RREB1: variants seen among roughly 807,000 people sequenced by gnomAD.
RREB1 encodes the protein ras-responsive element-binding protein 1.
RREB1 carries 27 observed loss-of-function variants against 117.8 expected under a neutral mutation model. That is an observed-to-expected ratio of 0.23 (90% CI 0.17 to 0.32). The LOEUF (loss-of-function observed/expected upper bound fraction) is 0.32, where lower values mean the gene tolerates loss of function less well. Among genes scored for constraint, RREB1 ranks in the 10% least tolerant of loss-of-function variants. RREB1 has a pLI of 1.00. For synonymous variants in RREB1, 1,298 were observed against 1,026.7 expected (o/e 1.26, Z -5.05); for missense variants, 2,577 against 2,378.2 (o/e 1.08, Z -1.74).
At chr6:7,123,461 C>A (rs1188832909) in intron 1 of RREB1, among the ~76,000 whole-genome samples, 2 of 147,976 alleles carry the variant, frequency 1.4e-5, no homozygotes, top group Non-Finnish European at 3.0e-5. Flanking sequence ...CACGCCTGGC[C>A]GAAAGTTGAA....
intron 1 of RREB1, among the ~76,000 whole-genome samples, chr6:7,172,047 G>T (rs1764238629): frequency 6.6e-6 from 1 of 151,586 alleles, no homozygotes; most frequent in Non-Finnish European, 1.5e-5. Flanking sequence ...CTGGGCTCAT[G>T]CAATCCTCCT....
At chr6:7,158,894 G>C (rs56405242) in intron 1 of RREB1, among the ~76,000 whole-genome samples, 2,110 of 151,732 alleles carry the variant, frequency 0.014, 44 homozygotes, top group African/African-American at 0.048. Flanking sequence ...ATAGCTTAAA[G>C]GCCAGGAAAA....
chr6:7,235,637 A>C (rs1434692084), intron 10 of RREB1, among the ~76,000 whole-genome samples: 2 of 152,228 alleles, frequency 1.3e-5, no homozygotes, highest in African/African-American at 4.8e-5. Context: ...GTTAAAATCT[A>C]GCTGAGTTCC....
chr6:7,239,265 C>T (rs1269748008), intron 10 of RREB1, among the ~76,000 whole-genome samples: 1 of 152,228 alleles, frequency 6.6e-6, no homozygotes, highest in Admixed American at 6.5e-5. Context: ...TGTTGGTTAA[C>T]ACACAAAACC....
At chr6:7,149,762 A>C (rs1047079714) in intron 1 of RREB1, among the ~76,000 whole-genome samples, 1 of 152,198 alleles carries the variant, frequency 6.6e-6, no homozygotes, top group Non-Finnish European at 1.5e-5. Flanking sequence ...ATCTCGGCTC[A>C]CTGCAACCTG....
chr6:7,146,371 C>CA (rs1287076109), intron 1 of RREB1, among the ~76,000 whole-genome samples: 4 of 151,720 alleles, frequency 2.6e-5, no homozygotes, highest in Non-Finnish European at 5.9e-5. Context: ...AGGGGGAAAG[C>CA]AGGAGATGGG....
At chr6:7,197,339 T>C (rs1009567186) in intron 6 of RREB1, among the ~76,000 whole-genome samples, 1 of 152,262 alleles carries the variant, frequency 6.6e-6, no homozygotes, top group Non-Finnish European at 1.5e-5. Flanking sequence ...CTTAAGACCC[T>C]GGCAGGGGCA....
At chr6:7,239,960 C>A (rs1004258215) in intron 10 of RREB1, among the ~76,000 whole-genome samples, 1 of 152,206 alleles carries the variant, frequency 6.6e-6, no homozygotes, top group Non-Finnish European at 1.5e-5. Context: ...GGGGGCTGTC[C>A]CTGACTTCTT....
chr6:7,172,569 C>A (rs1764267887), intron 1 of RREB1, among the ~76,000 whole-genome samples: 1 of 152,116 alleles, frequency 6.6e-6, no homozygotes, highest in African/African-American at 2.4e-5. Context: ...CTTAGGAGTC[C>A]CTTCTCACCC....
chr6:7,225,688 G>A (rs2113086536), intron 8 of RREB1, among the ~76,000 whole-genome samples: 1 of 152,314 alleles, frequency 6.6e-6, no homozygotes, highest in African/African-American at 2.4e-5. Context: ...AGGAAGGGGA[G>A]ACAGCCTTGT....
At chr6:7,183,108 G>A (rs1485766006) in intron 4 of RREB1, 1 of 152,232 alleles carries the variant, frequency 6.6e-6, no homozygotes, top group African/African-American at 2.4e-5. Context: ...CCTGCCAGCA[G>A]TATGGGGGAG....
At chr6:7,186,814 T>A (rs1765105831) in intron 4 of RREB1, among the ~76,000 whole-genome samples, 2 of 152,220 alleles carry the variant, frequency 1.3e-5, no homozygotes, top group Admixed American at 1.3e-4. Flanking sequence ...GGCATTCCTA[T>A]CAAAGTTGTC....
At chr6:7,167,103 G>A (rs1763972074) in intron 1 of RREB1, among the ~76,000 whole-genome samples, 2 of 152,180 alleles carry the variant, frequency 1.3e-5, no homozygotes, top group Admixed American at 1.3e-4. Context: ...AAGCAGCTTG[G>A]TGAATATAGG....
Position 7,249,545 on chromosome 6 carries a change from G to C in RREB1, c.*577G>C, listed in dbSNP as rs554831260. ...TGCTTCATGGTGGAGCTGTCATCTGGTCCTTGGTATTACAGGATGTGGTTG... is the reference window on the plus strand; with the variant it reads ...TGCTTCATGGTGGAGCTGTCATCTGCTCCTTGGTATTACAGGATGTGGTTG... On this transcript the variant is annotated 3_prime_UTR_variant, in exon 13 of 13. Coordinates refer to ENST00000379938, the MANE Select transcript of RREB1 (RefSeq NM_001003699.4). 2.0e-5 allele frequency: 3 copies of C among 152,652 alleles called. No individual in the cohort carries two copies. The South Asian group carries it at 6.2e-4, about 32-fold the overall frequency. 9.5% of individuals were successfully genotyped at this position (152,652 alleles called of 1,614,324 possible). A position where few individuals can be genotyped will look rare whatever the true frequency, so the allele number is the denominator to read the frequency against.
Position 7,231,627 on chromosome 6 carries a change from G to A in RREB1, c.3528G>A (p.Gly1176=). The change falls in exon 10 of 13, where the codon GGG becomes GGA. Residue 1176 remains glycine (G), a synonymous_variant. Coordinates refer to ENST00000379938, the MANE Select transcript of RREB1 (RefSeq NM_001003699.4). ...NSGGVDLDSS[G]EFASIEKMLA... is the part of the protein sequence containing the mutation. ...GCGGGGTGGACCTGGACTCCAGCGG[G>A]GAGTTTGCCAGCATCGAGAAGATGC... 1 of 1,611,754 alleles carries A rather than the reference G, an allele frequency of 6.2e-7. No individual in the cohort carries two copies. The highest frequency in any genetic ancestry group is 8.5e-7 in the Non-Finnish European group (1 of 1,179,410).
chr6:7,226,737 C>T (rs2113091940), intron 9 of RREB1, 81 bp downstream of exon 9: 1 of 1,090,350 alleles, frequency 9.2e-7, no homozygotes, highest in Non-Finnish European at 1.3e-6. Flanking sequence ...TTCCTCTCCT[C>T]AGGGTTTCTT....
intron 1 of RREB1, among the ~76,000 whole-genome samples, chr6:7,143,075 TG>T (rs1327367360): frequency 6.6e-6 from 1 of 152,198 alleles, no homozygotes; most frequent in Non-Finnish European, 1.5e-5. Flanking sequence ...TTTGAGCCAC[TG>T]GGATTTTTGG....
chr6:7,166,098 A>G lies in RREB1; in HGVS notation c.-284-10557A>G, dbSNP rs76903946. ...CCCCCAGGGAGTGCAGTTGTGAACT[A>G]ATCACCGCCTGGAGAGCCTGTGTGC... is the stretch of plus-strand genomic sequence containing the variant. On this transcript the variant is annotated intron_variant, in intron 1 of 12. Transcript: ENST00000379938. Among the ~76,000 whole-genome samples the G allele has an allele frequency of 8.3e-3, 1,268 of 152,130 alleles. 15 individuals are homozygous for G. The highest frequency in any genetic ancestry group is 0.029 in the African/African-American group (1,183 of 41,476).
rs200741587 is a variant in RREB1, at chr6:7,230,491, G to A, written c.2392G>A (p.Ala798Thr). ...KPFECKECSA[A>T]FAAKRNCIHH... ...CTTCGAGTGCAAGGAGTGCAGCGCC[G>A]CGTTCGCGGCCAAGCGCAACTGCAT... is the stretch of plus-strand genomic sequence containing the variant. The change falls in exon 10 of 13, where the codon GCG becomes ACG. Residue 798 changes from alanine (A) to threonine (T), a missense_variant. By Grantham distance (58) the Ala-to-Thr change is moderately conservative (BLOSUM62 0). Coordinates refer to ENST00000379938, the MANE Select transcript of RREB1 (RefSeq NM_001003699.4). 1,597 of 1,593,504 alleles carry A rather than the reference G, an allele frequency of 1.0e-3. 1 individual carries two copies. Among genetic ancestry groups the A allele is most frequent in the Non-Finnish European group, 1.3e-3 (1,544 of 1,176,904 alleles).
Sources: allele counts gnomAD v4.1 joint callset (sites outside exome capture counted in the v4.1 genomes callset), GRCh38; gene constraint gnomAD v4.1.1; transcripts MANE v1.5; gene names NCBI Gene and HGNC (gene_info 2026-07-23, HGNC 2026-07-21).